Variants in PLCB1 observed in about 807,000 individuals in gnomAD.
PLCB1 encodes the protein 1-phosphatidylinositol 4,5-bisphosphate phosphodiesterase beta-1.
In PLCB1, 46 loss-of-function variants were observed where a neutral mutation model predicts 161.8. That is an observed-to-expected ratio of 0.28 (90% CI 0.22 to 0.36). The LOEUF (loss-of-function observed/expected upper bound fraction) is 0.36. PLCB1 is among the 10% of genes least tolerant of loss of function. The probability of loss-of-function intolerance (pLI) is 1.00; values close to 1 mark genes in which losing one functional copy is unlikely to be tolerated. For synonymous variants in PLCB1, 517 were observed against 503.7 expected (o/e 1.03, Z -0.35); for missense variants, 1,016 against 1,472.5 (o/e 0.69, Z 5.07).
At chr20:8,864,166 G>A (rs1047830372) in intron 31 of PLCB1, among the ~76,000 whole-genome samples, 1 of 152,158 alleles carries the variant, frequency 6.6e-6, no homozygotes, top group African/African-American at 2.4e-5. Flanking sequence ...AGAGAAAGGG[G>A]GAAATGATGT....
chr20:8,654,332 C>T (rs8118040), intron 7 of PLCB1, among the ~76,000 whole-genome samples: 8,594 of 152,066 alleles, frequency 0.057, 804 homozygotes, highest in African/African-American at 0.2. Context: ...CAAACAACAA[C>T]AAGTCATCAC....
At chr20:8,733,519 T>G in intron 19 of PLCB1, 127 bp downstream of exon 19, 1 of 843,556 alleles carries the variant, frequency 1.2e-6, no homozygotes, top group South Asian at 1.8e-5. Flanking sequence ...CCTACATTTT[T>G]TTTCTCTAAA....
At chr20:8,189,340 T>A (rs62199968) in intron 2 of PLCB1, among the ~76,000 whole-genome samples, 32,010 of 148,196 alleles carry the variant, frequency 0.22, 3,589 homozygotes, top group South Asian at 0.28. Flanking sequence ...TATATATATA[T>A]AAAACATAAT....
chr20:8,551,636 C>T (rs1339906054), intron 3 of PLCB1, among the ~76,000 whole-genome samples: 2 of 152,142 alleles, frequency 1.3e-5, no homozygotes, highest in East Asian at 3.9e-4. Context: ...TCTATGGGAG[C>T]TGACAGATCC....
intron 31 of PLCB1, among the ~76,000 whole-genome samples, chr20:8,848,814 C>T (rs1986786077): frequency 1.3e-5 from 2 of 152,220 alleles, no homozygotes; most frequent in Admixed American, 1.3e-4. Flanking sequence ...TGTCAGTTGT[C>T]CACAGGGTGC....
chr20:8,533,850 C>T (rs1344159006), intron 3 of PLCB1, among the ~76,000 whole-genome samples: 1 of 152,078 alleles, frequency 6.6e-6, no homozygotes, highest in Non-Finnish European at 1.5e-5. Context: ...TTTTGCTGTG[C>T]AGAAGCTCTT....
intron 27 of PLCB1, among the ~76,000 whole-genome samples, chr20:8,779,507 CAAAAAAAAA>C (rs373073139): frequency 9.8e-6 from 1 of 102,512 alleles, no homozygotes; most frequent in Non-Finnish European, 1.9e-5. Context: ...CACTTTTGTG[CAAAAAAAAA>C]AAAAAAAAAA....
chr20:8,410,132 T>C (rs932523399), intron 3 of PLCB1, among the ~76,000 whole-genome samples: 28 of 152,180 alleles, frequency 1.8e-4, no homozygotes, highest in East Asian at 9.6e-4. Context: ...CTGTAGATTG[T>C]CCATTTTCTT....
intron 3 of PLCB1, among the ~76,000 whole-genome samples, chr20:8,514,186 T>G (rs1012749710): frequency 2.6e-5 from 4 of 151,682 alleles, no homozygotes; most frequent in African/African-American, 9.7e-5. Flanking sequence ...CGCCTGTAAT[T>G]CTAGCACTTT....
At chr20:8,880,011 C>T (rs1037553245) in intron 31 of PLCB1, among the ~76,000 whole-genome samples, 1 of 152,092 alleles carries the variant, frequency 6.6e-6, no homozygotes, top group Non-Finnish European at 1.5e-5. Flanking sequence ...TTGAGAAACG[C>T]AGGAGCTCAG....
chr20:8,839,881 A>G (rs1239646661), intron 31 of PLCB1, among the ~76,000 whole-genome samples: 1 of 151,982 alleles, frequency 6.6e-6, no homozygotes, highest in East Asian at 1.9e-4. Flanking sequence ...AAATACAAAA[A>G]TTATCTGGGC....
chr20:8,662,522 T>G (rs2089075907), intron 9 of PLCB1, among the ~76,000 whole-genome samples: 1 of 143,170 alleles, frequency 7.0e-6, no homozygotes, highest in African/African-American at 2.5e-5. Flanking sequence ...ATATAATTTT[T>G]TATAATTATG....
At chr20:8,658,430 G>C (rs1754282989) in intron 8 of PLCB1, 108 bp from the exon 9 acceptor site, 1 of 815,088 alleles carries the variant, frequency 1.2e-6, no homozygotes, top group Non-Finnish European at 1.9e-6. Context: ...TTTCAATATA[G>C]CATTTTCTTA....
intron 3 of PLCB1, among the ~76,000 whole-genome samples, chr20:8,496,188 C>CTTACTCTCTAGAAA (rs1983161343): frequency 6.6e-6 from 1 of 152,110 alleles, no homozygotes; most frequent in African/African-American, 2.4e-5. Context: ...TTAAGGAGAA[C>CTTACTCTCTAGAAA]TTACTCTCTA....
At chr20:8,226,604 C>T (rs1353153523) in intron 2 of PLCB1, among the ~76,000 whole-genome samples, 2 of 152,024 alleles carry the variant, frequency 1.3e-5, no homozygotes, top group Admixed American at 6.6e-5. Flanking sequence ...CCAGAATTGA[C>T]GCAATGACTT....
At chr20:8,468,944 C>T (rs958622494) in intron 3 of PLCB1, among the ~76,000 whole-genome samples, 5 of 152,074 alleles carry the variant, frequency 3.3e-5, no homozygotes, top group Non-Finnish European at 1.5e-5. Context: ...CCTCTTCAAA[C>T]GGAAGGGTAC....
At chr20:8,295,482 T>C (rs1037741522) in intron 2 of PLCB1, among the ~76,000 whole-genome samples, 1 of 152,138 alleles carries the variant, frequency 6.6e-6, no homozygotes, top group African/African-American at 2.4e-5. Flanking sequence ...AAAAATCTTA[T>C]TTCAGTCATG....
chr20:8,637,628 T>C (rs938157895), intron 4 of PLCB1, among the ~76,000 whole-genome samples: 9 of 152,182 alleles, frequency 5.9e-5, no homozygotes, highest in Non-Finnish European at 7.3e-5. Flanking sequence ...TGTAAGATTT[T>C]CAAAAACTGA....
chr20:8,780,074 T>A (rs543575044), intron 27 of PLCB1, among the ~76,000 whole-genome samples: 1 of 152,288 alleles, frequency 6.6e-6, no homozygotes, highest in South Asian at 2.1e-4. Context: ...AACTACAGGG[T>A]CAGGGAATCT....
Sources: gnomAD v4.1 joint callset for allele counts (sites outside exome capture counted in the v4.1 genomes callset) on GRCh38, gnomAD v4.1.1 for gene constraint, MANE v1.5 for transcripts, NCBI Gene and HGNC (gene_info 2026-07-23, HGNC 2026-07-21) for gene names.